The following DLGAP1 variants were observed in gnomAD, a reference collection of about 807,000 sequenced individuals.
DLGAP1 encodes the protein DLG associated protein 1, also known as disks large-associated protein 1.
Under a neutral mutation model 90.8 loss-of-function variants are expected in DLGAP1, and 11 were observed. That is an observed-to-expected ratio of 0.12 (90% CI 0.08 to 0.20). The LOEUF is 0.20. Ranked by LOEUF, DLGAP1 falls within the 10% of genes least tolerant of loss-of-function variation. The pLI is 1.00. For missense variants in DLGAP1, 1,050 were observed against 1,333.8 expected, an observed-to-expected ratio of 0.79 and a Z score of 3.31; for synonymous variants, 558 against 540.7, an observed-to-expected ratio of 1.03 and a Z score of -0.44.
chr18:3,763,033 T>C (rs1035961606), intron 5 of DLGAP1, among the ~76,000 whole-genome samples: 2 of 152,186 alleles, frequency 1.3e-5, no homozygotes, highest in African/African-American at 4.8e-5. Context: ...GAGTGTCAAC[T>C]TGATTGGATT....
intron 1 of DLGAP1, among the ~76,000 whole-genome samples, chr18:4,216,727 C>T (rs1281080951): frequency 2.6e-5 from 4 of 151,944 alleles, no homozygotes; most frequent in African/African-American, 9.7e-5. Flanking sequence ...ATTGGTAGAC[C>T]TTATTTTTAG....
intron 3 of DLGAP1, among the ~76,000 whole-genome samples, chr18:3,984,716 A>C (rs2073806562): frequency 6.6e-6 from 1 of 152,022 alleles, no homozygotes; most frequent in Non-Finnish European, 1.5e-5. Context: ...AGGCCAGTCC[A>C]CAATCAACTC....
intron 3 of DLGAP1, chr18:3,894,706 T>C (rs1285313662): frequency 6.6e-6 from 1 of 152,346 alleles, no homozygotes; most frequent in Non-Finnish European, 1.5e-5. Flanking sequence ...ATTAAAAATA[T>C]GGAATGCTTC....
At chr18:4,129,726 C>G (rs2076285887) in intron 2 of DLGAP1, among the ~76,000 whole-genome samples, 1 of 152,110 alleles carries the variant, frequency 6.6e-6, no homozygotes, top group Non-Finnish European at 1.5e-5. Flanking sequence ...TTCTTCAGAG[C>G]ATTAGGACAA....
At chr18:3,712,721 T>C (rs374579582) in intron 7 of DLGAP1, among the ~76,000 whole-genome samples, 1 of 152,172 alleles carries the variant, frequency 6.6e-6, no homozygotes, top group African/African-American at 2.4e-5. Context: ...GCTGACGTCA[T>C]GGGGCTTTCC....
chr18:3,662,705 T>C (rs949244579), intron 7 of DLGAP1, among the ~76,000 whole-genome samples: 1 of 152,202 alleles, frequency 6.6e-6, no homozygotes, highest in Admixed American at 6.5e-5. Context: ...CAGAGAATCA[T>C]TCCAGAGAGC....
chr18:3,604,787 A>C (rs2057247375), intron 7 of DLGAP1, among the ~76,000 whole-genome samples: 2 of 152,182 alleles, frequency 1.3e-5, no homozygotes, highest in Admixed American at 1.3e-4. Context: ...TGGGTAGTGA[A>C]ATAAGATGAG....
At chr18:3,715,970 G>C (rs1352536158) in intron 7 of DLGAP1, among the ~76,000 whole-genome samples, 1 of 152,132 alleles carries the variant, frequency 6.6e-6, no homozygotes, top group African/African-American at 2.4e-5. Context: ...CAGTATGAGG[G>C]TAAAGGAAAG....
Position 4,272,395 on chromosome 18 carries a change from T to C in DLGAP1, c.-266-121108A>G, listed in dbSNP as rs533566074. Among the ~76,000 whole-genome samples the C allele has an allele frequency of 4.6e-5, 7 of 152,330 alleles. No homozygotes were observed. The East Asian group carries it at 1.3e-3, about 29-fold the overall frequency. The stretch of plus-strand genomic sequence containing the variant: ...GATTTTTAAGTATGAAATATATATG[T>C]AATATTAGATGAATATATTATCTCA... On this transcript the variant is annotated intron_variant, in intron 1 of 12. Transcript: ENST00000315677.
chr18:3,682,754 T>A (rs1284389305), intron 7 of DLGAP1, among the ~76,000 whole-genome samples: 1 of 152,186 alleles, frequency 6.6e-6, no homozygotes, highest in African/African-American at 2.4e-5. Context: ...CTAACTGGGT[T>A]CTAGGGAAAG....
At chr18:3,502,204 T>A (rs2049976131) in intron 12 of DLGAP1, 1 of 1,269,720 alleles carries the variant, frequency 7.9e-7, no homozygotes, top group African/African-American at 1.5e-5. Flanking sequence ...ATGGAGGCAG[T>A]TCCTTCCAGT....
intron 8 of DLGAP1, among the ~76,000 whole-genome samples, chr18:3,568,190 C>T (rs1440253896): frequency 2.0e-5 from 3 of 152,130 alleles, no homozygotes; most frequent in East Asian, 1.9e-4. Flanking sequence ...TGAGCCACCA[C>T]GCCCGGCCTG....
chr18:4,212,344 C>A (rs2077860280), intron 1 of DLGAP1, among the ~76,000 whole-genome samples: 1 of 151,994 alleles, frequency 6.6e-6, no homozygotes, highest in Non-Finnish European at 1.5e-5. Flanking sequence ...TGCTAGTAAT[C>A]TGGAAATGCA....
intron 4 of DLGAP1, among the ~76,000 whole-genome samples, chr18:3,876,737 C>T (rs2071015077): frequency 6.6e-6 from 1 of 152,014 alleles, no homozygotes; most frequent in South Asian, 2.1e-4. Context: ...TTATACCTTT[C>T]TGTAAGCCTC....
In DLGAP1 at chr18:3,918,763, C is replaced by T. The variant is rs531856943; in HGVS notation, c.-72-38623G>A. On this transcript the variant is annotated intron_variant, in intron 3 of 12. Coordinates refer to ENST00000315677, the MANE Select transcript of DLGAP1 (RefSeq NM_004746.4). ...CCAAGAAGTTGAATGTGACGATAGA[C>T]CATAGATCTTAGTGATGAGGTCTTG... Among the ~76,000 whole-genome samples the T allele has an allele frequency of 2.6e-5, 4 of 152,216 alleles. No homozygotes were observed. In the East Asian group the frequency reaches 7.7e-4, roughly 29 times the overall value.
Position 3,614,673 on chromosome 18 carries a change from T to G in DLGAP1, c.1592-32425A>C, listed in dbSNP as rs1238987049. ...CTGACCAACATGGAGAAACCCCGCCTCTACTAAAAATACAAAAAAAAAAAA... is the reference window on the plus strand; with the variant it reads ...CTGACCAACATGGAGAAACCCCGCCGCTACTAAAAATACAAAAAAAAAAAA... On this transcript the variant is annotated intron_variant, in intron 7 of 12. Transcript: ENST00000315677. Among the ~76,000 whole-genome samples the G allele has an allele frequency of 5.3e-5, 6 of 113,138 alleles. No homozygotes were observed. In the Admixed American group the frequency reaches 6.1e-4, roughly 11 times the overall value. The allele number at this position is 113,138 out of a possible 152,430, so 74.2% of individuals were successfully genotyped here.
chr18:3,567,065 C>T (rs1042140171), intron 9 of DLGAP1, among the ~76,000 whole-genome samples: 1 of 144,320 alleles, frequency 6.9e-6, no homozygotes, highest in Non-Finnish European at 1.5e-5. Flanking sequence ...TTCATTCATT[C>T]ATTCATCATT....
At chr18:4,182,215 T>C (rs1232134801) in intron 1 of DLGAP1, among the ~76,000 whole-genome samples, 1 of 152,132 alleles carries the variant, frequency 6.6e-6, no homozygotes, top group African/African-American at 2.4e-5. Context: ...AGAAGTCTGA[T>C]TGGGCTGAAG....
intron 7 of DLGAP1, among the ~76,000 whole-genome samples, chr18:3,624,844 A>G (rs953786528): frequency 2.6e-5 from 4 of 152,146 alleles, no homozygotes; most frequent in South Asian, 2.1e-4. Context: ...AGAGCAAACT[A>G]ATCTAAACTC....
Sources: gnomAD v4.1 joint callset for allele counts (sites outside exome capture counted in the v4.1 genomes callset) on GRCh38, gnomAD v4.1.1 for gene constraint, MANE v1.5 for transcripts, NCBI Gene and HGNC (gene_info 2026-07-23, HGNC 2026-07-21) for gene names.